The following NPSR1 variants were observed in gnomAD, a reference collection of about 807,000 sequenced individuals.
NPSR1 encodes the protein neuropeptide S receptor 1.
In NPSR1, 48 loss-of-function variants were observed where a neutral mutation model predicts 46.9. The ratio of observed to expected loss-of-function variants is 1.02; its 90% confidence interval spans 0.81 to 1.30. The LOEUF (loss-of-function observed/expected upper bound fraction) is 1.30. Among genes scored for constraint, NPSR1 ranks in the 50% most tolerant of loss-of-function variants. The pLI is 0.00. For synonymous variants in NPSR1, 176 were observed against 168.1 expected (o/e 1.05, Z -0.36); for missense variants, 450 against 449.5 (o/e 1.00, Z -0.01).
At chr7:34,801,813 G>GAAAA (rs770061224) in intron 3 of NPSR1, among the ~76,000 whole-genome samples, 22 of 146,560 alleles carry the variant, frequency 1.5e-4, no homozygotes, top group Admixed American at 2.7e-4. Context: ...TGTATATCTA[G>GAAAA]CCCCATCATC....
rs1010945995 is a variant in NPSR1, at chr7:34,746,736, A to G, written c.281-31726A>G. 3.3e-5 allele frequency among the ~76,000 whole-genome samples: 5 copies of G among 152,200 alleles called. No individual in the cohort carries two copies. In the South Asian group the frequency reaches 6.2e-4, roughly 19 times the overall value. On this transcript the variant is annotated intron_variant, in intron 2 of 8. Coordinates refer to ENST00000360581, the MANE Select transcript of NPSR1 (RefSeq NM_207172.2). ...GCCTATTTCTTGGTCTTGAGTTTCA[A>G]GTGATTTAGAAGGAAAAATGAAAAC...
intron 2 of NPSR1, among the ~76,000 whole-genome samples, chr7:34,776,243 G>A (rs567210759): frequency 1.3e-5 from 2 of 152,082 alleles, no homozygotes; most frequent in Non-Finnish European, 2.9e-5. Flanking sequence ...ATTAACTCTC[G>A]TGTTTCTTTA....
chr7:34,822,159 G>A (rs1206243845), intron 4 of NPSR1, among the ~76,000 whole-genome samples: 2 of 152,162 alleles, frequency 1.3e-5, no homozygotes, highest in East Asian at 3.9e-4. Flanking sequence ...GAGGGCAGCC[G>A]GTGAGAACGC....
At chr7:34,821,837 A>C (rs956167733) in intron 4 of NPSR1, among the ~76,000 whole-genome samples, 4 of 152,244 alleles carry the variant, frequency 2.6e-5, no homozygotes, top group African/African-American at 4.8e-5. Context: ...GAGGCTCAAC[A>C]TAAGGTGCTT....
chr7:34,742,678 A>G (rs2128719747), intron 2 of NPSR1, among the ~76,000 whole-genome samples: 1 of 152,302 alleles, frequency 6.6e-6, no homozygotes, highest in East Asian at 1.9e-4. Flanking sequence ...CTCTGGGTAT[A>G]TATCCAGTAA....
intron 6 of NPSR1, 93 bp downstream of exon 6, chr7:34,834,553 A>G: frequency 1.1e-6 from 1 of 879,530 alleles, no homozygotes; most frequent in East Asian, 2.4e-5. Context: ...TCCTTGATAC[A>G]CAAGCATACA....
At chr7:34,726,194 G>T (rs982227175) in intron 2 of NPSR1, among the ~76,000 whole-genome samples, 3 of 152,140 alleles carry the variant, frequency 2.0e-5, no homozygotes, top group Non-Finnish European at 2.9e-5. Flanking sequence ...TTAAAAATGG[G>T]TAAAAGACTT....
chr7:34,857,170 A>C (rs1791070252), intron 8 of NPSR1, among the ~76,000 whole-genome samples: 1 of 151,848 alleles, frequency 6.6e-6, no homozygotes, highest in African/African-American at 2.4e-5. Context: ...TATTGTTCAG[A>C]AACTGAATAT....
At chr7:34,730,996 G>T (rs932673599) in intron 2 of NPSR1, among the ~76,000 whole-genome samples, 7 of 151,994 alleles carry the variant, frequency 4.6e-5, no homozygotes, top group Admixed American at 6.5e-5. Flanking sequence ...ATTATTTTTA[G>T]GAAAAGAATT....
chr7:34,848,793 G>A, intron 8 of NPSR1, 130 bp downstream of exon 8: 2 of 816,432 alleles, frequency 2.4e-6, no homozygotes, highest in Non-Finnish European at 3.8e-6. Flanking sequence ...TGAGAGGCTT[G>A]AGAGTCAGAA....
intron 2 of NPSR1, among the ~76,000 whole-genome samples, chr7:34,694,082 A>T (rs2128691495): frequency 6.6e-6 from 1 of 152,280 alleles, no homozygotes; most frequent in South Asian, 2.1e-4. Context: ...ATCCCTAAAA[A>T]CTGGAACACA....
chr7:34,751,131 C>T (rs1257461568), intron 2 of NPSR1: 2 of 883,022 alleles, frequency 2.3e-6, no homozygotes, highest in African/African-American at 3.3e-5. Flanking sequence ...CCACTGTTTT[C>T]CACACTGGCT....
chr7:34,795,839 T>C (rs908522806), intron 3 of NPSR1, among the ~76,000 whole-genome samples: 2 of 152,122 alleles, frequency 1.3e-5, no homozygotes, highest in African/African-American at 2.4e-5. Flanking sequence ...ACTTACTCTA[T>C]GTAGATTCAA....
At chr7:34,664,276 G>T (rs766956583) in intron 1 of NPSR1, among the ~76,000 whole-genome samples, 9 of 152,088 alleles carry the variant, frequency 5.9e-5, no homozygotes, top group Non-Finnish European at 1.2e-4. Context: ...TACTTCCACC[G>T]GTGTCTCAGT....
At chr7:34,698,093 A>G (rs1423314232) in intron 2 of NPSR1, among the ~76,000 whole-genome samples, 4 of 152,184 alleles carry the variant, frequency 2.6e-5, no homozygotes. Flanking sequence ...CAATGCAGCT[A>G]CATATGTGTA....
At position 34,684,655 on chromosome 7, in the gene NPSR1, CCTT is replaced by C. The variant is rs758266559; in HGVS notation, c.255_257del (p.Phe86del). On this transcript the variant is annotated inframe_deletion, in exon 2 of 9. Transcript: ENST00000360581. ...AGGAGAAAGAAGAAGTCAAGAATGACCTTCTTTGTGACTCAGCTGGCCATCACA... is the reference window on the plus strand; with the variant it reads ...AGGAGAAAGAAGAAGTCAAGAATGACCTTTGTGACTCAGCTGGCCATCACA... The C allele has an allele frequency of 5.6e-6, 9 of 1,613,092 alleles. No homozygotes were observed. The Admixed American group carries it at 1.3e-4, about 24-fold the overall frequency.
At chr7:34,820,889 G>C (rs1789520684) in intron 4 of NPSR1, among the ~76,000 whole-genome samples, 1 of 152,096 alleles carries the variant, frequency 6.6e-6, no homozygotes, top group South Asian at 2.1e-4. Flanking sequence ...GAAACTTTTA[G>C]GTTTCCTCTT....
chr7:34,666,915 C>T (rs1791779931), intron 1 of NPSR1, among the ~76,000 whole-genome samples: 1 of 152,074 alleles, frequency 6.6e-6, no homozygotes, highest in Admixed American at 6.5e-5. Context: ...AAAGTTTCTC[C>T]CCCTCCTCAA....
chr7:34,694,741 C>A (rs138250367), intron 2 of NPSR1, among the ~76,000 whole-genome samples: 86 of 152,282 alleles, frequency 5.6e-4, no homozygotes, highest in African/African-American at 2.0e-3. Flanking sequence ...AATGGAGTCT[C>A]GCTCTGTCAC....
Sources: gnomAD v4.1 joint callset for allele counts (sites outside exome capture counted in the v4.1 genomes callset) on GRCh38, gnomAD v4.1.1 for gene constraint, MANE v1.5 for transcripts, NCBI Gene and HGNC (gene_info 2026-07-23, HGNC 2026-07-21) for gene names.